The following NAA35 variants were observed in gnomAD, a reference collection of about 807,000 sequenced individuals.
NAA35 encodes MAK10 homolog, amino-acid N-acetyltransferase subunit.
A neutral mutation model predicts 101.7 loss-of-function variants in NAA35; 18 were observed. The ratio of observed to expected loss-of-function variants is 0.18; its 90% CI spans 0.12 to 0.26. NAA35 has a LOEUF of 0.26. Ranked by LOEUF, NAA35 falls within the 10% of genes least tolerant of loss-of-function variation. NAA35 has a pLI of 1.00. For missense variants in NAA35, 601 were observed against 886.8 expected (o/e 0.68, Z 4.09); for synonymous variants, 267 against 273.1 (o/e 0.98, Z 0.22).
At chr9:85,966,642 A>G (rs757787272) in intron 6 of NAA35, 18 of 1,298,692 alleles carry the variant, frequency 1.4e-5, no homozygotes, top group Middle Eastern at 2.1e-4. Context: ...TATAATTTTA[A>G]AAATGAAAAT....
chr9:85,993,613 T>C (rs1355493613), intron 11 of NAA35, among the ~76,000 whole-genome samples: 2 of 152,324 alleles, frequency 1.3e-5, no homozygotes, highest in East Asian at 3.9e-4. Context: ...GTTGTACATA[T>C]TTTTCAGACC....
At chr9:85,956,337 G>C (rs1302334951) in intron 2 of NAA35, 23 bp from the exon 3 acceptor site, 11 of 1,317,320 alleles carry the variant, frequency 8.4e-6, no homozygotes, top group Non-Finnish European at 1.0e-5. Context: ...ATGTTCAAAG[G>C]GTTTTTCTCT....
In NAA35 at chr9:85,959,805, A is replaced by G. The variant is rs1175789443; in HGVS notation, c.286A>G (p.Lys96Glu). ...FEQAIKDGTI[K>E]IKDLTLPELI... ...TCCTCCTTTTTAGGATGGCACTATTAAAATTAAAGATCTCACCTTGCCTGA... is the reference window on the plus strand; with the variant it reads ...TCCTCCTTTTTAGGATGGCACTATTGAAATTAAAGATCTCACCTTGCCTGA... The change falls in exon 5 of 23, where the codon AAA becomes GAA. Residue 96 changes from lysine to glutamate, a missense_variant. By Grantham distance (56) the Lys-to-Glu change is moderately conservative. Coordinates refer to ENST00000361671, the MANE Select transcript of NAA35 (RefSeq NM_024635.4). 3 of 1,608,698 alleles carry G rather than the reference A, an allele frequency of 1.9e-6. No homozygotes were observed. The highest frequency in any genetic ancestry group is 1.7e-5 in the Admixed American group (1 of 58,646).
chr9:85,979,262 T>C (rs1415863968), intron 11 of NAA35, among the ~76,000 whole-genome samples: 2 of 152,308 alleles, frequency 1.3e-5, no homozygotes, highest in African/African-American at 2.4e-5. Context: ...CCGGTTTCCA[T>C]TGGCTGGAAC....
At position 86,025,184 on chromosome 9, in the gene NAA35, C is replaced by A. The variant is rs548182259; in HGVS notation, c.*3224C>A. Among the ~76,000 whole-genome samples, 1 of 152,266 alleles carries A rather than the reference C, an allele frequency of 6.6e-6. No individual in the cohort carries two copies. Among genetic ancestry groups the A allele is most frequent in the Non-Finnish European group, 1.5e-5 (1 of 68,028 alleles). ...GCTATGCTCTGGGCACTGGAAAAAG[C>A]CTGCAAAGGAGACTTATCAGGAAAA... On this transcript the variant is annotated 3_prime_UTR_variant, in exon 23 of 23. Coordinates refer to ENST00000361671, the MANE Select transcript of NAA35 (RefSeq NM_024635.4).
At chr9:85,954,629 T>G (rs1829158325) in intron 2 of NAA35, among the ~76,000 whole-genome samples, 1 of 152,152 alleles carries the variant, frequency 6.6e-6, no homozygotes, top group African/African-American at 2.4e-5. Flanking sequence ...AATTTTTGTC[T>G]TTTTTTAGCC....
chr9:85,951,576 T>C (rs1042812831), intron 2 of NAA35, among the ~76,000 whole-genome samples: 1 of 152,226 alleles, frequency 6.6e-6, no homozygotes, highest in Admixed American at 6.5e-5. Context: ...CTTTAATCCA[T>C]GCCTGATTTT....
At chr9:86,006,156 C>T (rs181528927) in intron 13 of NAA35, among the ~76,000 whole-genome samples, 11 of 150,994 alleles carry the variant, frequency 7.3e-5, no homozygotes, top group Admixed American at 2.0e-4. Context: ...GGCAACAGAG[C>T]GAGACCCCAT....
chr9:85,958,831 C>T (rs1156700831), intron 4 of NAA35, among the ~76,000 whole-genome samples: 1 of 152,044 alleles, frequency 6.6e-6, no homozygotes, highest in Non-Finnish European at 1.5e-5. Context: ...AAGCATTTGA[C>T]TATATATTCA....
chr9:85,986,703 C>T (rs537178351), intron 11 of NAA35: 77 of 307,370 alleles, frequency 2.5e-4, no homozygotes, highest in South Asian at 1.9e-3. Context: ...TCTTACCTCA[C>T]CCTCCTGAGT....
Position 85,942,205 on chromosome 9 carries a change from C to T in NAA35, c.46C>T (p.Leu16Phe). The change falls in exon 2 of 23, where the codon CTC becomes TTC. Residue 16 changes from leucine to phenylalanine, a missense_variant. This residue lies in a region of NAA35 where 67 missense variants were observed against 62.4 expected (regional missense o/e 1.07). Coordinates refer to ENST00000361671, the MANE Select transcript of NAA35 (RefSeq NM_024635.4). ...AGATGATGACGATTCAGGATGGGAGCTCAGTATGCCAGAAAAAATGGAGAA... is the reference window on the plus strand; with the variant it reads ...AGATGATGACGATTCAGGATGGGAGTTCAGTATGCCAGAAAAAATGGAGAA... ...SVDDDDSGWE[L>F]SMPEKMEKSN... 1.2e-6 allele frequency: 2 copies of T among 1,614,106 alleles called. No individual in the cohort carries two copies. Among genetic ancestry groups the T allele is most frequent in the Non-Finnish European group, 8.5e-7 (1 of 1,180,012 alleles).
Position 86,013,851 on chromosome 9 carries a change from T to G in NAA35, c.1522T>G (p.Phe508Val). Residue 508 changes from phenylalanine (F) to valine (V), a missense_variant, in exon 17 of 23, where the codon TTT (phenylalanine) becomes GTT (valine). Coordinates refer to ENST00000361671, the MANE Select transcript of NAA35 (RefSeq NM_024635.4). Reference protein sequence around the residue: ...RIMIQYLLSGFELELYSMHEY... With the variant: ...RIMIQYLLSGVELELYSMHEY... The stretch of plus-strand genomic sequence containing the variant: ...TATGATACAGTACCTTCTAAGTGGC[T>G]TTGAATTGGAACTCTACAGTATGCA... 6.2e-7 allele frequency: 1 copy of G among 1,614,076 alleles called. No homozygotes were observed. The highest frequency in any genetic ancestry group is 8.5e-7 in the Non-Finnish European group (1 of 1,179,924).
chr9:85,978,448 T>G, intron 11 of NAA35, 67 bp downstream of exon 11: 1 of 1,137,496 alleles, frequency 8.8e-7, no homozygotes, highest in South Asian at 1.3e-5. Context: ...AGTGCTTAGC[T>G]TGTACTAAAG....
At chr9:85,968,227 T>C (rs541985974) in intron 6 of NAA35, among the ~76,000 whole-genome samples, 19 of 152,300 alleles carry the variant, frequency 1.2e-4, no homozygotes, top group African/African-American at 4.3e-4. Flanking sequence ...AGCAGTTATC[T>C]TCCTAAAAAT....
chr9:86,001,661 A>G (rs1324323985), intron 12 of NAA35, among the ~76,000 whole-genome samples: 1 of 151,930 alleles, frequency 6.6e-6, no homozygotes, highest in African/African-American at 2.4e-5. Flanking sequence ...TTGGTGTGAA[A>G]TCTGTTTTGT....
chr9:85,980,184 C>T (rs1423235863), intron 11 of NAA35, among the ~76,000 whole-genome samples: 2 of 152,180 alleles, frequency 1.3e-5, no homozygotes, highest in African/African-American at 2.4e-5. Flanking sequence ...CATGCCTTCC[C>T]TGGGTGTACT....
chr9:85,988,605 G>A (rs1830752918), intron 11 of NAA35, among the ~76,000 whole-genome samples: 1 of 152,186 alleles, frequency 6.6e-6, no homozygotes, highest in Non-Finnish European at 1.5e-5. Context: ...TTTGAGACCA[G>A]TCTGACCAAC....
chr9:86,017,951 GCTC>G (rs1162732733), intron 19 of NAA35, among the ~76,000 whole-genome samples: 3 of 152,168 alleles, frequency 2.0e-5, no homozygotes, highest in African/African-American at 7.2e-5. Context: ...AAGAGGGTGA[GCTC>G]CACAACGAAT....
chr9:85,958,848 A>G (rs1188559048), intron 4 of NAA35, among the ~76,000 whole-genome samples: 1 of 152,210 alleles, frequency 6.6e-6, no homozygotes, highest in African/African-American at 2.4e-5. Flanking sequence ...TTCAAATAGG[A>G]AAATTGGCTT....
Sources: allele counts gnomAD v4.1 joint callset (sites outside exome capture counted in the v4.1 genomes callset), GRCh38; gene constraint gnomAD v4.1.1; regional missense constraint gnomAD v4.1.1; transcripts MANE v1.5; gene names NCBI Gene and HGNC (gene_info 2026-07-23, HGNC 2026-07-21).